FGGY: variants seen among roughly 807,000 people sequenced by gnomAD.
FGGY encodes the protein FGGY carbohydrate kinase domain containing, also known as FGGY carbohydrate kinase domain-containing protein.
In FGGY, 72 loss-of-function variants were observed where a neutral mutation model predicts 71.3. The ratio of observed to expected loss-of-function variants is 1.01; its 90% CI spans 0.84 to 1.23. FGGY has a LOEUF of 1.23. Ranked by LOEUF, FGGY falls within the 50% of genes most tolerant of loss-of-function variation. FGGY has a pLI of 0.00. For synonymous variants in FGGY, 251 were observed against 250.3 expected, an observed-to-expected ratio of 1.00 and a Z score of -0.02; for missense variants, 668 against 682.3, an observed-to-expected ratio of 0.98 and a Z score of 0.23.
chr1:59,338,810 T>C (rs958274888), intron 2 of FGGY, among the ~76,000 whole-genome samples: 1 of 152,212 alleles, frequency 6.6e-6, no homozygotes, highest in African/African-American at 2.4e-5. Context: ...TTACTTACTT[T>C]TGCTAATAAG....
chr1:59,651,638 A>G (rs1211232051), intron 11 of FGGY, among the ~76,000 whole-genome samples: 1 of 150,570 alleles, frequency 6.6e-6, no homozygotes, highest in Non-Finnish European at 1.5e-5. Flanking sequence ...TTTTGAGCCT[A>G]TGTGTATCTC....
chr1:59,335,796 C>T (rs541632984), intron 2 of FGGY, among the ~76,000 whole-genome samples: 2 of 152,026 alleles, frequency 1.3e-5, no homozygotes, highest in Non-Finnish European at 2.9e-5. Context: ...GTACATTGGC[C>T]ATTTGTATAT....
intron 8 of FGGY, among the ~76,000 whole-genome samples, chr1:59,573,950 A>G (rs889982573): frequency 1.3e-5 from 2 of 152,156 alleles, no homozygotes; most frequent in Non-Finnish European, 2.9e-5. Flanking sequence ...TTTTTGCTGT[A>G]ATTGTCTTGC....
At chr1:59,708,620 A>C (rs1279603796) in intron 14 of FGGY, among the ~76,000 whole-genome samples, 1 of 152,214 alleles carries the variant, frequency 6.6e-6, no homozygotes, top group Non-Finnish European at 1.5e-5. Context: ...TGAGGTGGGT[A>C]GATATTATTA....
intron 4 of FGGY, among the ~76,000 whole-genome samples, chr1:59,375,794 G>T (rs887737442): frequency 6.6e-6 from 1 of 150,986 alleles, no homozygotes; most frequent in Non-Finnish European, 1.5e-5. Context: ...GGGTTCTGTT[G>T]TCCCACAGTG....
At chr1:59,349,277 GTCT>G (rs1197878803) in intron 4 of FGGY, among the ~76,000 whole-genome samples, 1 of 152,178 alleles carries the variant, frequency 6.6e-6, no homozygotes, top group African/African-American at 2.4e-5. Flanking sequence ...GATGGCAGTG[GTCT>G]TCTTCAATTT....
rs556078174 is a variant in FGGY at position 59,314,212 on chromosome 1, G to A, written c.-14-7324G>A. Among the ~76,000 whole-genome samples the A allele has an allele frequency of 5.9e-5, 9 of 152,200 alleles. No individual in the cohort carries two copies. In the South Asian group the frequency reaches 6.2e-4, roughly 11 times the overall value. ...GATCTCCTGACCTTGTGATCCGCCC[G>A]TCTTGGCCTCCCAAAGTGCTGGGAT... On this transcript the variant is annotated intron_variant, in intron 1 of 15. Coordinates refer to ENST00000303721, the MANE Select transcript of FGGY (RefSeq NM_018291.5).
chr1:59,344,684 T>G (rs1257877755), intron 3 of FGGY, among the ~76,000 whole-genome samples: 1 of 152,216 alleles, frequency 6.6e-6, no homozygotes, highest in Non-Finnish European at 1.5e-5. Flanking sequence ...ATAACCTATG[T>G]ACGTCTTCCC....
intron 8 of FGGY, among the ~76,000 whole-genome samples, chr1:59,590,591 T>C (rs920072741): frequency 6.6e-6 from 1 of 152,150 alleles, no homozygotes; most frequent in Admixed American, 6.5e-5. Context: ...TTATCCACCA[T>C]GATCAAGTGG....
chr1:59,759,398 A>C (rs1200617272), intron 15 of FGGY, among the ~76,000 whole-genome samples: 1 of 152,162 alleles, frequency 6.6e-6, no homozygotes, highest in Non-Finnish European at 1.5e-5. Flanking sequence ...TGGCAGTAGG[A>C]GCTATGGGCT....
intron 7 of FGGY, among the ~76,000 whole-genome samples, chr1:59,529,295 G>A (rs1409221706): frequency 6.6e-6 from 1 of 152,138 alleles, no homozygotes; most frequent in Non-Finnish European, 1.5e-5. Flanking sequence ...TTTATTGAGG[G>A]ACCTTCCTGA....
chr1:59,305,883 T>C (rs764004614), intron 1 of FGGY, among the ~76,000 whole-genome samples: 5 of 152,226 alleles, frequency 3.3e-5, no homozygotes, highest in Admixed American at 6.5e-5. Context: ...GGCATTCTTC[T>C]TCTGTGCAGC....
intron 8 of FGGY, among the ~76,000 whole-genome samples, chr1:59,588,961 G>C (rs1571742757): frequency 6.6e-6 from 1 of 152,194 alleles, no homozygotes; most frequent in Admixed American, 6.5e-5. Flanking sequence ...AATGTAAATG[G>C]ACTAAATGCT....
chr1:59,406,711 A>G (rs2062813438), intron 5 of FGGY, among the ~76,000 whole-genome samples: 1 of 152,086 alleles, frequency 6.6e-6, no homozygotes. Context: ...CCCTAATTTA[A>G]TGTTTTTGGA....
intron 7 of FGGY, among the ~76,000 whole-genome samples, chr1:59,514,103 A>C (rs533023191): frequency 6.6e-6 from 1 of 152,224 alleles, no homozygotes; most frequent in Non-Finnish European, 1.5e-5. Flanking sequence ...TGGTTTTTAC[A>C]TACAAGCACA....
At chr1:59,590,199 A>G (rs528593205) in intron 8 of FGGY, among the ~76,000 whole-genome samples, 27 of 152,220 alleles carry the variant, frequency 1.8e-4, no homozygotes, top group Non-Finnish European at 3.5e-4. Flanking sequence ...AGAAATGGAT[A>G]AATTCCTCGA....
chr1:59,626,176 A>G, intron 10 of FGGY, 127 bp downstream of exon 10: 1 of 687,416 alleles, frequency 1.5e-6, no homozygotes, highest in Non-Finnish European at 2.5e-6. Context: ...CTTGAAAGAT[A>G]GTCACCTGGA....
At chr1:59,470,751 A>G (rs999268) in intron 6 of FGGY, among the ~76,000 whole-genome samples, 67,094 of 152,018 alleles carry the variant, frequency 0.44, 14,994 homozygotes, top group Middle Eastern at 0.5. Context: ...ATCCTTTTAG[A>G]GCAATTAATA....
At chr1:59,538,933 C>T (rs1213013211) in intron 7 of FGGY, among the ~76,000 whole-genome samples, 4 of 151,578 alleles carry the variant, frequency 2.6e-5, no homozygotes, top group Admixed American at 6.6e-5. Context: ...CAACATGGCA[C>T]GTATATGCAT....
Sources: allele counts gnomAD v4.1 joint callset (sites outside exome capture counted in the v4.1 genomes callset), GRCh38; gene constraint gnomAD v4.1.1; transcripts MANE v1.5; gene names NCBI Gene and HGNC (gene_info 2026-07-23, HGNC 2026-07-21).